Variants in VAT1L observed in about 807,000 individuals in gnomAD.
VAT1L encodes the protein vesicle amine transport 1 like.
Under a neutral mutation model 44.1 loss-of-function variants are expected in VAT1L, and 34 were observed. That is an observed-to-expected ratio of 0.77 (90% CI 0.59 to 1.03). The LOEUF is 1.03. Among genes scored for constraint, VAT1L ranks in the 50% least tolerant of loss-of-function variants. The probability of loss-of-function intolerance (pLI) is 0.00; values close to 1 mark genes in which losing one functional copy is unlikely to be tolerated. For missense variants in VAT1L, 615 were observed against 538.8 expected (o/e 1.14, Z -1.40); for synonymous variants, 253 against 202.2 (o/e 1.25, Z -2.13).
intron 3 of VAT1L, among the ~76,000 whole-genome samples, chr16:77,855,465 A>G (rs1051709730): frequency 6.6e-6 from 1 of 152,204 alleles, no homozygotes; most frequent in South Asian, 2.1e-4. Flanking sequence ...CTCCCCCGAC[A>G]TGCCCACACA....
intron 4 of VAT1L, among the ~76,000 whole-genome samples, chr16:77,866,252 T>A (rs11649616): frequency 2.6e-5 from 4 of 152,212 alleles, no homozygotes; most frequent in African/African-American, 9.7e-5. Flanking sequence ...TATAGCATTG[T>A]CTGCAATAGT....
chr16:77,957,788 A>G (rs2018120021), intron 7 of VAT1L, among the ~76,000 whole-genome samples: 1 of 149,028 alleles, frequency 6.7e-6, no homozygotes, highest in African/African-American at 2.4e-5. Flanking sequence ...AATTTATAAT[A>G]ATAATAATTA....
At chr16:77,927,736 G>C (rs557414809) in intron 7 of VAT1L, among the ~76,000 whole-genome samples, 1 of 152,078 alleles carries the variant, frequency 6.6e-6, no homozygotes, top group East Asian at 1.9e-4. Flanking sequence ...GGGTGTGGTG[G>C]CACACGCCTG....
At chr16:77,859,400 CG>C (rs2016893629) in intron 3 of VAT1L, among the ~76,000 whole-genome samples, 1 of 151,974 alleles carries the variant, frequency 6.6e-6, no homozygotes, top group South Asian at 2.1e-4. Flanking sequence ...GGCTGAAGTT[CG>C]GTGTGTGTTA....
At chr16:77,824,995 T>C (rs142272714) in intron 2 of VAT1L, among the ~76,000 whole-genome samples, 3,591 of 148,994 alleles carry the variant, frequency 0.024, 155 homozygotes, top group African/African-American at 0.084. Flanking sequence ...GCCTCCTGAA[T>C]AGCTGGGACT....
chr16:77,941,981 T>C (rs1011258646), intron 7 of VAT1L, among the ~76,000 whole-genome samples: 1 of 152,212 alleles, frequency 6.6e-6, no homozygotes, highest in African/African-American at 2.4e-5. Flanking sequence ...GCCAGCATGT[T>C]ATTTTTTTAC....
At chr16:77,806,551 G>A (rs888198327) in intron 1 of VAT1L, among the ~76,000 whole-genome samples, 21 of 151,600 alleles carry the variant, frequency 1.4e-4, no homozygotes, top group African/African-American at 5.1e-4. Flanking sequence ...CACCATGTTA[G>A]CCAGCATGGT....
At position 77,978,165 on chromosome 16, in the gene VAT1L, G is replaced by C. The variant is rs1414216090; in HGVS notation, c.*470G>C. 1 of 157,672 alleles carries C rather than the reference G, an allele frequency of 6.3e-6. No homozygotes were observed. The highest frequency in any genetic ancestry group is 1.4e-5 in the Non-Finnish European group (1 of 70,998). The allele number at this position is 157,672 out of a possible 1,614,324, so 9.8% of individuals were successfully genotyped here. ...CACTTGCCAATTTGGCCAGCAGAAA[G>C]AGAGTAGGCCGGATGTTTTCATGAG... is the stretch of plus-strand genomic sequence containing the variant. On this transcript the variant is annotated 3_prime_UTR_variant, in exon 9 of 9. Transcript: ENST00000302536.
At chr16:77,880,999 T>C (rs1231396705) in intron 6 of VAT1L, among the ~76,000 whole-genome samples, 1 of 152,306 alleles carries the variant, frequency 6.6e-6, no homozygotes, top group East Asian at 1.9e-4. Context: ...AGTCCACCAT[T>C]GATGGGCACC....
At chr16:77,971,726 G>C (rs1057458222) in intron 7 of VAT1L, 124 bp from the exon 8 acceptor site, 2 of 933,678 alleles carry the variant, frequency 2.1e-6, no homozygotes, top group African/African-American at 3.3e-5. Flanking sequence ...CAACCTCTTA[G>C]CCACTAAACT....
At chr16:77,812,105 A>C (rs923240703) in intron 1 of VAT1L, among the ~76,000 whole-genome samples, 4 of 144,636 alleles carry the variant, frequency 2.8e-5, no homozygotes, top group Admixed American at 6.9e-5. Context: ...TTTTTTTGAC[A>C]GAGTCTCGCT....
At chr16:77,841,473 C>A (rs2016705280) in intron 3 of VAT1L, among the ~76,000 whole-genome samples, 1 of 152,146 alleles carries the variant, frequency 6.6e-6, no homozygotes, top group African/African-American at 2.4e-5. Flanking sequence ...CCTTGTTGAC[C>A]CATTACACAT....
chr16:77,825,517 T>A (rs1308920722), intron 3 of VAT1L, 56 bp downstream of exon 3: 1 of 1,538,072 alleles, frequency 6.5e-7, no homozygotes, highest in Non-Finnish European at 8.8e-7. Context: ...GGAAGTGGAG[T>A]GACACCCCCC....
chr16:77,876,437 A>G lies in VAT1L; in HGVS notation c.790A>G (p.Ser264Gly), dbSNP rs2017087778. Reference protein sequence around the residue: ...LCGDNTGKGLSLLKPLGTYIL... With the variant: ...LCGDNTGKGLGLLKPLGTYIL... ...TGGGGACAACACTGGAAAAGGTCTC[A>G]GTCTTCTCAAACCCCTGGGAACCTA... is the stretch of plus-strand genomic sequence containing the variant. The change falls in exon 5 of 9, where the codon AGT becomes GGT. Residue 264 changes from serine to glycine, a missense_variant. Physicochemically the swap from Ser to Gly is moderately conservative, Grantham distance 56 (BLOSUM62 0). Coordinates refer to ENST00000302536, the MANE Select transcript of VAT1L (RefSeq NM_020927.3). The G allele has an allele frequency of 1.2e-6, 2 of 1,614,186 alleles. No homozygotes were observed. The highest frequency in any genetic ancestry group is 8.5e-7 in the Non-Finnish European group (1 of 1,180,020).
chr16:77,931,726 C>T (rs1231063167), intron 7 of VAT1L, among the ~76,000 whole-genome samples: 2 of 152,136 alleles, frequency 1.3e-5, no homozygotes. Flanking sequence ...AGCCCCTAGG[C>T]AGGGGGCAAT....
intron 4 of VAT1L, among the ~76,000 whole-genome samples, chr16:77,865,482 T>G (rs564213056): frequency 1.3e-5 from 2 of 152,206 alleles, no homozygotes; most frequent in Non-Finnish European, 2.9e-5. Context: ...AATGCCATCT[T>G]GAGAGCCACT....
chr16:77,895,923 G>C (rs2017319012), intron 7 of VAT1L, among the ~76,000 whole-genome samples: 1 of 152,178 alleles, frequency 6.6e-6, no homozygotes, highest in African/African-American at 2.4e-5. Context: ...CCTGGAGGAA[G>C]AGAGCTGGGC....
intron 3 of VAT1L, among the ~76,000 whole-genome samples, chr16:77,844,663 C>T (rs564172572): frequency 1.5e-3 from 227 of 152,230 alleles, no homozygotes; most frequent in African/African-American, 4.7e-3. Context: ...GCCGTCTTAG[C>T]GTCTGAAAGT....
chr16:77,924,885 T>G (rs761318138), intron 7 of VAT1L, among the ~76,000 whole-genome samples: 10 of 152,326 alleles, frequency 6.6e-5, no homozygotes, highest in Admixed American at 2.6e-4. Flanking sequence ...GGTAGAGAGA[T>G]AGCCAGCTCA....
Sources: gnomAD v4.1 joint callset for allele counts (sites outside exome capture counted in the v4.1 genomes callset) on GRCh38, gnomAD v4.1.1 for gene constraint, MANE v1.5 for transcripts, NCBI Gene and HGNC (gene_info 2026-07-23, HGNC 2026-07-21) for gene names.